Variants in PTGES observed in about 807,000 individuals in gnomAD.
PTGES encodes prostaglandin E synthase.
In PTGES, 3 loss-of-function variants were observed where a neutral mutation model predicts 11.8. The ratio of observed to expected loss-of-function variants is 0.25; its 90% confidence interval spans 0.12 to 0.66. The LOEUF is 0.66. Among genes scored for constraint, PTGES ranks in the 30% least tolerant of loss-of-function variants. The pLI is 0.82. For synonymous variants in PTGES, 94 were observed against 90.4 expected (o/e 1.04, Z -0.22); for missense variants, 180 against 213.0 (o/e 0.85, Z 0.96).
At chr9:129,750,050 G>A (rs865891539) in intron 1 of PTGES, among the ~76,000 whole-genome samples, 2 of 152,170 alleles carry the variant, frequency 1.3e-5, no homozygotes, top group African/African-American at 4.8e-5. Flanking sequence ...TGGAGAAGCC[G>A]CTAGGACAAT....
rs1455267373 is a variant in PTGES at position 129,739,902 on chromosome 9, T to C, written c.210-42A>G. ...GGTGCGGTCAGCCAGGTATTAGCTT[T>C]GGGGCCATAGGCCCTTTTGAGAGTG... On this transcript the variant is annotated intron_variant, in intron 2 of 2. Coordinates refer to ENST00000340607, the MANE Select transcript of PTGES (RefSeq NM_004878.5). The surrounding 1 kb of genome is among the most constrained non-coding windows in gnomAD (Gnocchi z 5.7). 2 of 1,543,782 alleles carry C rather than the reference T, an allele frequency of 1.3e-6. No individual in the cohort carries two copies. The highest frequency in any genetic ancestry group is 8.8e-7 in the Non-Finnish European group (1 of 1,142,064).
In PTGES at chr9:129,748,800, G is replaced by A. The variant is rs76717359; in HGVS notation, c.127-63C>T. On this transcript the variant is annotated intron_variant, in intron 1 of 2. Coordinates refer to ENST00000340607, the MANE Select transcript of PTGES (RefSeq NM_004878.5). ...AAACGGCCCAGTCACCTGGGGCTAT[G>A]TTTTGTCCATGACCAGAGTTCACAG... 617 of 1,394,758 alleles carry A rather than the reference G, an allele frequency of 4.4e-4. 5 individuals carry two copies. The African/African-American group carries it at 8.2e-3, about 19-fold the overall frequency. The allele number at this position is 1,394,758 out of a possible 1,614,324, so 86.4% of individuals were successfully genotyped here.
intron 1 of PTGES, 151 bp downstream of exon 1, chr9:129,752,736 G>A: frequency 1.7e-6 from 2 of 1,191,884 alleles, no homozygotes; most frequent in East Asian, 2.3e-5. Flanking sequence ...ACGTGGGACT[G>A]GCAGGAAGCC....
At chr9:129,748,488 A>G (rs1181048974) in intron 2 of PTGES, among the ~76,000 whole-genome samples, 167 bp downstream of exon 2, 1 of 152,222 alleles carries the variant, frequency 6.6e-6, no homozygotes, top group East Asian at 1.9e-4. Context: ...ACTTTTCCAA[A>G]GTTCATTTGA....
rs529722194 is a variant in PTGES at position 129,741,871 on chromosome 9, C to G, written c.210-2011G>C. Reference sequence around the variant, plus strand: ...AGTGAGCTGAGATCATGCCATTGTACTCCAGCCTGGGCAAAAAGAGGGAAA... The same window carrying G: ...AGTGAGCTGAGATCATGCCATTGTAGTCCAGCCTGGGCAAAAAGAGGGAAA... On this transcript the variant is annotated intron_variant, in intron 2 of 2. Coordinates refer to ENST00000340607, the MANE Select transcript of PTGES (RefSeq NM_004878.5). Among the ~76,000 whole-genome samples, 4 of 151,866 alleles carry G rather than the reference C, an allele frequency of 2.6e-5. No individual in the cohort carries two copies. In the South Asian group the frequency reaches 8.3e-4, roughly 32 times the overall value.
chr9:129,750,257 G>A (rs912200421), intron 1 of PTGES, among the ~76,000 whole-genome samples: 2 of 152,144 alleles, frequency 1.3e-5, no homozygotes, highest in Non-Finnish European at 1.5e-5. Context: ...TTCAGCTGAC[G>A]GCAAATCCTG....
At chr9:129,751,759 G>A (rs1833112486) in intron 1 of PTGES, among the ~76,000 whole-genome samples, 1 of 152,152 alleles carries the variant, frequency 6.6e-6, no homozygotes, top group Non-Finnish European at 1.5e-5. Flanking sequence ...ACCTTCATAA[G>A]TGATGTCTCC....
In PTGES at chr9:129,739,321, C is replaced by T; in HGVS notation, c.*290G>A. 2.5e-6 allele frequency: 1 copy of T among 395,890 alleles called. No homozygotes were observed. The highest frequency in any genetic ancestry group is 4.6e-6 in the Non-Finnish European group (1 of 217,326). 24.5% of individuals were successfully genotyped at this position (395,890 alleles called of 1,614,324 possible). Reference sequence around the variant, plus strand: ...GAGAGGGAGTGATGTTTTTGATGCTCTGTTACTTTAGCTGAAGGATTTTCT... The same window carrying T: ...GAGAGGGAGTGATGTTTTTGATGCTTTGTTACTTTAGCTGAAGGATTTTCT... On this transcript the variant is annotated 3_prime_UTR_variant, in exon 3 of 3. Transcript: ENST00000340607. This position sits in a 1 kb window ranked among gnomAD's most constrained non-coding sequence, Gnocchi z 5.7.
At chr9:129,748,784 A>C (rs2130954326) in intron 1 of PTGES, 47 bp from the exon 2 acceptor site, 1 of 1,483,982 alleles carries the variant, frequency 6.7e-7, no homozygotes, top group Non-Finnish European at 9.2e-7. Context: ...CAAACGGCCC[A>C]GTCACCTGGG....
In PTGES at chr9:129,739,464, T is replaced by C. The variant is rs1832971408; in HGVS notation, c.*147A>G. ...CACACGGGCACACACACAGGCCCACTGTGCCCAGAGACCCACACGCGCAGC... is the reference window on the plus strand; with the variant it reads ...CACACGGGCACACACACAGGCCCACCGTGCCCAGAGACCCACACGCGCAGC... On this transcript the variant is annotated 3_prime_UTR_variant, in exon 3 of 3. Coordinates refer to ENST00000340607, the MANE Select transcript of PTGES (RefSeq NM_004878.5). The surrounding 1 kb of genome is among the most constrained non-coding windows in gnomAD (Gnocchi z 5.7). 2.6e-6 allele frequency: 3 copies of C among 1,141,096 alleles called. No individual in the cohort carries two copies. Among genetic ancestry groups the C allele is most frequent in the Non-Finnish European group, 3.6e-6 (3 of 828,398 alleles). The allele number at this position is 1,141,096 out of a possible 1,614,324, so 70.7% of individuals were successfully genotyped here.
intron 1 of PTGES, among the ~76,000 whole-genome samples, chr9:129,749,217 C>T (rs956178437): frequency 6.6e-6 from 1 of 152,002 alleles, no homozygotes; most frequent in African/African-American, 2.4e-5. Flanking sequence ...CATAGCAAGA[C>T]CCCATCTCTA....
At chr9:129,744,188 G>A (rs1015177666) in intron 2 of PTGES, among the ~76,000 whole-genome samples, 2 of 151,978 alleles carry the variant, frequency 1.3e-5, no homozygotes, top group Admixed American at 6.6e-5. Flanking sequence ...CTCCTCCATC[G>A]CCATCACCAG....
chr9:129,740,301 C>T (rs1832983112), intron 2 of PTGES, among the ~76,000 whole-genome samples: 2 of 152,182 alleles, frequency 1.3e-5, no homozygotes, highest in Admixed American at 1.3e-4. Context: ...GGAGTTTGTG[C>T]TCTTTACCTC....
At position 129,739,522 on chromosome 9, in the gene PTGES, C is replaced by G; in HGVS notation, c.*89G>C. On this transcript the variant is annotated 3_prime_UTR_variant, in exon 3 of 3. Transcript: ENST00000340607. This position sits in a 1 kb window ranked among gnomAD's most constrained non-coding sequence, Gnocchi z 5.7. ...CAGGAAACCAGGACTCAGGGCCCACCACAATCTGGAAGGAACATCAAGTCC... is the reference window on the plus strand; with the variant it reads ...CAGGAAACCAGGACTCAGGGCCCACGACAATCTGGAAGGAACATCAAGTCC... 1 of 1,476,994 alleles carries G rather than the reference C, an allele frequency of 6.8e-7. No homozygotes were observed. The highest frequency in any genetic ancestry group is 9.0e-7 in the Non-Finnish European group (1 of 1,112,916). The allele number at this position is 1,476,994 out of a possible 1,614,324, so 91.5% of individuals were successfully genotyped here. A position where few individuals can be genotyped will look rare whatever the true frequency, so the allele number is the denominator to read the frequency against.
At chr9:129,748,768 G>A (rs200582196) in intron 1 of PTGES, 31 bp from the exon 2 acceptor site, 42 of 1,549,406 alleles carry the variant, frequency 2.7e-5, no homozygotes, top group South Asian at 2.6e-4. Context: ...GTCACTCCTC[G>A]TGAGACAAAC....
intron 2 of PTGES, among the ~76,000 whole-genome samples, chr9:129,746,235 T>G (rs895637863): frequency 2.0e-5 from 3 of 152,148 alleles, no homozygotes; most frequent in Non-Finnish European, 1.5e-5. Flanking sequence ...AAACGCATCC[T>G]CTTGGTGGCT....
At chr9:129,744,804 G>A (rs1184568224) in intron 2 of PTGES, among the ~76,000 whole-genome samples, 1 of 151,326 alleles carries the variant, frequency 6.6e-6, no homozygotes, top group Non-Finnish European at 1.5e-5. Context: ...TTGAACCCGG[G>A]AGGCGGAGGT....
chr9:129,741,693 G>T (rs1249552554), intron 2 of PTGES, among the ~76,000 whole-genome samples: 1 of 152,120 alleles, frequency 6.6e-6, no homozygotes, highest in Non-Finnish European at 1.5e-5. Context: ...ATTACCTGAG[G>T]TCAGGAGTTC....
At chr9:129,751,739 G>A (rs1423947916) in intron 1 of PTGES, among the ~76,000 whole-genome samples, 2 of 151,928 alleles carry the variant, frequency 1.3e-5, no homozygotes, top group Non-Finnish European at 2.9e-5. Context: ...AGTTCAAACC[G>A]GGCTGTGTGA....
Sources: gnomAD v4.1 joint callset for allele counts (sites outside exome capture counted in the v4.1 genomes callset) on GRCh38, gnomAD v4.1.1 for gene constraint, Gnocchi (gnomAD v3.1) non-coding constraint, MANE v1.5 for transcripts, NCBI Gene and HGNC (gene_info 2026-07-23, HGNC 2026-07-21) for gene names.